Variants in ACCSL observed in about 807,000 individuals in gnomAD.
ACCSL encodes the protein 1-aminocyclopropane-1-carboxylate synthase homolog (inactive) like.
In ACCSL, 55 loss-of-function variants were observed where a neutral mutation model predicts 61.7. The ratio of observed to expected loss-of-function variants is 0.89; its 90% CI spans 0.72 to 1.12. The LOEUF (loss-of-function observed/expected upper bound fraction) is 1.12, where lower values mean the gene tolerates loss of function less well. Among genes scored for constraint, ACCSL ranks in the 50% most tolerant of loss-of-function variants. ACCSL has a pLI of 0.00. For synonymous variants in ACCSL, 258 were observed against 264.3 expected, an observed-to-expected ratio of 0.98 and a Z score of 0.23; for missense variants, 632 against 698.0, an observed-to-expected ratio of 0.91 and a Z score of 1.07.
the ACCSL span, among the ~76,000 whole-genome samples, chr11:43,969,580 C>T: frequency 6.6e-6 from 1 of 152,036 alleles, no homozygotes; most frequent in Non-Finnish European, 1.5e-5. Context: ...CTCTTCTCCC[C>T]TCCTTCCTTT....
chr11:44,003,440 G>A, the ACCSL span, among the ~76,000 whole-genome samples: 1 of 152,050 alleles, frequency 6.6e-6, no homozygotes, highest in African/African-American at 2.4e-5. Context: ...GTCGCTTGAG[G>A]CCAGGAGTTC....
the ACCSL span, among the ~76,000 whole-genome samples, chr11:44,041,901 G>T: frequency 3.3e-5 from 5 of 152,046 alleles, no homozygotes; most frequent in African/African-American, 9.7e-5. Context: ...ATAAAGAATG[G>T]GTGCTGAATT....
At chr11:43,991,085 A>T in the ACCSL span, among the ~76,000 whole-genome samples, 109 of 152,220 alleles carry the variant, frequency 7.2e-4, no homozygotes, top group African/African-American at 2.5e-3. Context: ...AAGAAAAAAA[A>T]AAAAGTCTGA....
the ACCSL span, among the ~76,000 whole-genome samples, chr11:43,947,855 C>T: frequency 1.3e-5 from 2 of 152,244 alleles, no homozygotes; most frequent in South Asian, 2.1e-4. Flanking sequence ...AGAGAGAAGA[C>T]AGGAGCCCGG....
chr11:43,966,463 T>A, the ACCSL span, among the ~76,000 whole-genome samples: 44 of 149,596 alleles, frequency 2.9e-4, 1 homozygote, highest in African/African-American at 1.1e-3. Flanking sequence ...AAAGCTTTCA[T>A]GTATAGAGGA....
chr11:43,926,625 G>C, the ACCSL span: 4 of 305,780 alleles, frequency 1.3e-5, no homozygotes, highest in Non-Finnish European at 2.6e-5. Context: ...TATTTTCCTT[G>C]GCAAAATTAG....
chr11:43,925,458 C>G, the ACCSL span: 8 of 456,100 alleles, frequency 1.8e-5, no homozygotes, highest in African/African-American at 1.6e-4. Context: ...GCAAGGATCC[C>G]TGCTGCAGCT....
chr11:43,990,480 T>C, the ACCSL span, among the ~76,000 whole-genome samples: 2 of 151,674 alleles, frequency 1.3e-5, no homozygotes, highest in African/African-American at 4.9e-5. Context: ...AGGGCTCTAA[T>C]CCCATTCATG....
At chr11:43,949,692 G>A in the ACCSL span, among the ~76,000 whole-genome samples, 1 of 152,164 alleles carries the variant, frequency 6.6e-6, no homozygotes, top group Non-Finnish European at 1.5e-5. Flanking sequence ...GCACACGCCT[G>A]TAATCCCAGC....
chr11:44,052,930 G>A lies in ACCSL; in HGVS notation c.871-61G>A, dbSNP rs1317906774. The A allele has an allele frequency of 4.5e-6, 7 of 1,550,376 alleles. No homozygotes were observed. In the Admixed American group the frequency reaches 1.2e-4, roughly 26 times the overall value. The stretch of plus-strand genomic sequence containing the variant: ...AAGGCAAAGGATTGCGGGGCTTATG[G>A]GAATGAGGAATCAAGACTTAGATTT... On this transcript the variant is annotated intron_variant, in intron 6 of 13. Transcript: ENST00000378832.
the ACCSL span, among the ~76,000 whole-genome samples, chr11:44,020,578 AC>A: frequency 3.3e-5 from 5 of 152,250 alleles, no homozygotes; most frequent in South Asian, 1.0e-3. Context: ...GAAGATAATC[AC>A]ATGGTTTTTG....
upstream of ACCSL, among the ~76,000 whole-genome samples, chr11:44,047,685 C>A (rs1952607650): frequency 6.6e-6 from 1 of 152,134 alleles, no homozygotes; most frequent in Non-Finnish European, 1.5e-5. Context: ...CCTATTTAAC[C>A]AAACAAAGCA....
the ACCSL span, chr11:44,001,008 C>A: frequency 6.6e-5 from 10 of 152,228 alleles, no homozygotes; most frequent in Non-Finnish European, 1.3e-4. Flanking sequence ...GGAGCTCATC[C>A]TCATAACTTT....
the ACCSL span, among the ~76,000 whole-genome samples, chr11:44,037,181 ATTTG>A: frequency 1.3e-5 from 2 of 152,242 alleles, no homozygotes; most frequent in Non-Finnish European, 1.5e-5. Flanking sequence ...TGTACTTGGA[ATTTG>A]TTTGCTTTTG....
At chr11:44,058,757 T>C in intron 13 of ACCSL, 58 bp downstream of exon 13, 2 of 1,554,164 alleles carry the variant, frequency 1.3e-6, no homozygotes, top group Admixed American at 1.8e-5. Context: ...AATATGTCAA[T>C]CTTCTCCCCC....
At chr11:44,030,157 C>CA in the ACCSL span, among the ~76,000 whole-genome samples, 1 of 134,656 alleles carries the variant, frequency 7.4e-6, no homozygotes, top group Non-Finnish European at 1.5e-5. Flanking sequence ...CCTGGTCTAT[C>CA]AATGTCTACT....
intron 11 of ACCSL, 113 bp downstream of exon 11, chr11:44,056,439 G>A: frequency 2.2e-6 from 3 of 1,355,434 alleles, no homozygotes; most frequent in Non-Finnish European, 3.0e-6. Context: ...CCTATTTCCT[G>A]TCTCAGATTT....
At chr11:43,962,157 A>C in the ACCSL span, among the ~76,000 whole-genome samples, 3 of 152,196 alleles carry the variant, frequency 2.0e-5, no homozygotes, top group African/African-American at 7.2e-5. Flanking sequence ...CCTAAGAAAT[A>C]TAAAAATTGG....
At chr11:44,020,989 T>G in the ACCSL span, among the ~76,000 whole-genome samples, 7 of 152,288 alleles carry the variant, frequency 4.6e-5, no homozygotes, top group African/African-American at 1.7e-4. Flanking sequence ...TAGTATTCCA[T>G]GGTGTGTGTA....
Sources: gnomAD v4.1 joint callset for allele counts (sites outside exome capture counted in the v4.1 genomes callset) on GRCh38, gnomAD v4.1.1 for gene constraint, MANE v1.5 for transcripts, NCBI Gene and HGNC (gene_info 2026-07-23, HGNC 2026-07-21) for gene names.